SLC4A7: variants seen among roughly 807,000 people sequenced by gnomAD.
SLC4A7 encodes solute carrier family 4 member 7, also known as sodium bicarbonate cotransporter 3.
In SLC4A7, 51 loss-of-function variants were observed where a neutral mutation model predicts 137.6. That is an observed-to-expected ratio of 0.37 (90% CI 0.30 to 0.47). The LOEUF (loss-of-function observed/expected upper bound fraction) is 0.47. Among genes scored for constraint, SLC4A7 ranks in the 20% least tolerant of loss-of-function variants. The pLI, the probability that SLC4A7 is intolerant of heterozygous loss-of-function variation, is 1.00. For missense variants in SLC4A7, 1,247 were observed against 1,525.4 expected (o/e 0.82, Z 3.04); for synonymous variants, 542 against 518.6 (o/e 1.05, Z -0.61).
At chr3:27,413,753 T>C (rs1276971269) in intron 11 of SLC4A7, among the ~76,000 whole-genome samples, 1 of 152,204 alleles carries the variant, frequency 6.6e-6, no homozygotes, top group African/African-American at 2.4e-5. Context: ...TTATCTTACT[T>C]AATGGGAGAA....
rs560336407 is a variant in SLC4A7 at position 27,426,578 on chromosome 3, G to T, written c.1151-2426C>A. On this transcript the variant is annotated intron_variant, in intron 7 of 25. Transcript: ENST00000454389. ...GAATAGTCCTAGCTGCCAGATATGAGGGAAAAAAGTGGAATGATGAGAAGA... is the reference window on the plus strand; with the variant it reads ...GAATAGTCCTAGCTGCCAGATATGATGGAAAAAAGTGGAATGATGAGAAGA... Among the ~76,000 whole-genome samples, 178 of 152,146 alleles carry T rather than the reference G, an allele frequency of 1.2e-3. 1 individual carries two copies. Among genetic ancestry groups the T allele is most frequent in the Non-Finnish European group, 1.5e-3 (103 of 68,004 alleles).
intron 18 of SLC4A7, among the ~76,000 whole-genome samples, chr3:27,396,782 T>C (rs1230055445): frequency 6.6e-6 from 1 of 152,180 alleles, no homozygotes. Context: ...TCTTTCCTTT[T>C]AGCATAAGCA....
At chr3:27,469,722 C>A (rs2059157221) in intron 1 of SLC4A7, among the ~76,000 whole-genome samples, 1 of 151,928 alleles carries the variant, frequency 6.6e-6, no homozygotes, top group Non-Finnish European at 1.5e-5. Context: ...CATTGCACTC[C>A]AGCTTGGGCA....
At chr3:27,411,546 A>G (rs536229838) in intron 12 of SLC4A7, 96 bp downstream of exon 12, 2 of 512,298 alleles carry the variant, frequency 3.9e-6, no homozygotes, top group Non-Finnish European at 6.4e-6. Context: ...AAAATACTGT[A>G]CAAGATTAGG....
intron 20 of SLC4A7, among the ~76,000 whole-genome samples, chr3:27,393,205 C>T (rs2051768206): frequency 6.6e-6 from 1 of 152,058 alleles, no homozygotes; most frequent in Non-Finnish European, 1.5e-5. Context: ...CCCTAAGTAT[C>T]TGAATGAGTT....
In SLC4A7 at chr3:27,385,631, A is replaced by G. The variant is rs1456238510; in HGVS notation, c.3492+261T>C. On this transcript the variant is annotated intron_variant, in intron 23 of 25. Transcript: ENST00000454389. Reference sequence around the variant, plus strand: ...TAAGCACATGATATGTAATTTTTGAAAAGTATTACTGTGTCAGAGCTATGG... The same window carrying G: ...TAAGCACATGATATGTAATTTTTGAGAAGTATTACTGTGTCAGAGCTATGG... Among the ~76,000 whole-genome samples the G allele has an allele frequency of 1.3e-5, 2 of 152,270 alleles. 1 individual carries two copies. Among genetic ancestry groups the G allele is most frequent in the South Asian group, 4.1e-4 (2 of 4,822 alleles).
At chr3:27,390,209 T>C in intron 21 of SLC4A7, 105 bp from the exon 22 acceptor site, 1 of 473,176 alleles carries the variant, frequency 2.1e-6, no homozygotes, top group Non-Finnish European at 3.6e-6. Context: ...AATTGTAACT[T>C]CCTTGACATT....
At chr3:27,465,822 C>T (rs1005626370) in intron 1 of SLC4A7, among the ~76,000 whole-genome samples, 1 of 151,530 alleles carries the variant, frequency 6.6e-6, no homozygotes, top group African/African-American at 2.4e-5. Flanking sequence ...GGCGTGGTGG[C>T]TGGCACCTGT....
chr3:27,434,754 A>T (rs2150393017), intron 5 of SLC4A7, among the ~76,000 whole-genome samples: 1 of 152,102 alleles, frequency 6.6e-6, no homozygotes, highest in African/African-American at 2.4e-5. Context: ...TTAATTTATA[A>T]AATATATATT....
At chr3:27,428,205 T>C (rs1020759018) in intron 7 of SLC4A7, 8 of 154,428 alleles carry the variant, frequency 5.2e-5, no homozygotes, top group African/African-American at 1.9e-4. Context: ...AAGCTTTATC[T>C]TTTTCACGAA....
rs1488086660 is a variant in SLC4A7, at chr3:27,403,316, A to G, written c.2144T>C (p.Val715Ala). 6.2e-7 allele frequency: 1 copy of G among 1,613,666 alleles called. No homozygotes were observed. Among genetic ancestry groups the G allele is most frequent in the Admixed American group, 1.7e-5 (1 of 60,016 alleles). ...GCTGCTTGCATCTGTTGCAACCAAAACAATGCACAAAAAAGAAGTCCACAG... is the reference window on the plus strand; with the variant it reads ...GCTGCTTGCATCTGTTGCAACCAAAGCAATGCACAAAAAAGAAGTCCACAG... ...IGLWTSFLCI[V>A]LVATDASSLV... The change falls in exon 15 of 26, where the codon GTT becomes GCT. Residue 715 changes from valine to alanine, a missense_variant. Physicochemically the swap from Val to Ala is moderately conservative, Grantham distance 64. This residue lies in a region of SLC4A7 where 499 missense variants were observed against 664.2 expected (regional missense o/e 0.75). Transcript: ENST00000454389.
intron 25 of SLC4A7, among the ~76,000 whole-genome samples, chr3:27,377,777 T>G (rs936071575): frequency 6.6e-6 from 1 of 152,222 alleles, no homozygotes; most frequent in Admixed American, 6.5e-5. Context: ...TATGAATATC[T>G]GGGTTCTGGA....
chr3:27,456,900 G>T (rs2058444658), intron 1 of SLC4A7: 2 of 1,346,028 alleles, frequency 1.5e-6, no homozygotes, highest in Non-Finnish European at 1.9e-6. Flanking sequence ...TAACAGATTT[G>T]GAAAGTAATA....
At chr3:27,477,750 G>C (rs904358200) in intron 1 of SLC4A7, among the ~76,000 whole-genome samples, 3 of 152,090 alleles carry the variant, frequency 2.0e-5, no homozygotes, top group Admixed American at 6.6e-5. Context: ...AAGTAGCTGG[G>C]ATTACAGGCG....
intron 1 of SLC4A7, among the ~76,000 whole-genome samples, chr3:27,476,814 A>G (rs1223220361): frequency 6.6e-6 from 1 of 152,194 alleles, no homozygotes; most frequent in Non-Finnish European, 1.5e-5. Flanking sequence ...TCTTTCCTTC[A>G]TAAATTACCC....
chr3:27,458,518 T>A (rs1028485145), intron 1 of SLC4A7, among the ~76,000 whole-genome samples: 3 of 152,190 alleles, frequency 2.0e-5, no homozygotes, highest in African/African-American at 7.2e-5. Context: ...AACAGCTAAA[T>A]AACATATATA....
chr3:27,446,977 G>A (rs755494152), intron 3 of SLC4A7, among the ~76,000 whole-genome samples: 1 of 147,846 alleles, frequency 6.8e-6, no homozygotes. Flanking sequence ...TCTGCCTCCC[G>A]GGTTCAAGCA....
At chr3:27,454,417 G>T (rs1041421007) in intron 1 of SLC4A7, among the ~76,000 whole-genome samples, 2 of 152,188 alleles carry the variant, frequency 1.3e-5, no homozygotes, top group Admixed American at 1.3e-4. Context: ...AGTGAGCCGA[G>T]ATCACGTCAC....
rs1442555504 is a variant in SLC4A7, at chr3:27,438,313, TG to T, written c.290-788del. 7.3e-5 allele frequency among the ~76,000 whole-genome samples: 11 copies of T among 151,106 alleles called. No homozygotes were observed. In the East Asian group the frequency reaches 1.8e-3, roughly 24 times the overall value. On this transcript the variant is annotated intron_variant, in intron 3 of 25. Coordinates refer to ENST00000454389, the MANE Select transcript of SLC4A7 (RefSeq NM_001321103.2). ...TGAGGTCAGCAGTTGGAGACCAACC[TG>T]GCCAACATGGTGAAACCCTGTCTCT...
Sources: allele counts gnomAD v4.1 joint callset (sites outside exome capture counted in the v4.1 genomes callset), GRCh38; gene constraint gnomAD v4.1.1; regional missense constraint gnomAD v4.1.1; transcripts MANE v1.5; gene names NCBI Gene and HGNC (gene_info 2026-07-23, HGNC 2026-07-21).